Variants in NAV3 observed in about 807,000 individuals in gnomAD.
The protein encoded by NAV3 is pore membrane and/or filament interacting like protein 1.
Under a neutral mutation model 244.7 loss-of-function variants are expected in NAV3, and 87 were observed. The ratio of observed to expected loss-of-function variants is 0.36; its 90% CI spans 0.30 to 0.42. NAV3 has a LOEUF of 0.42. NAV3 is among the 20% of genes least tolerant of loss of function. The pLI is 1.00. For synonymous variants in NAV3, 1,126 were observed against 1,042.2 expected (o/e 1.08, Z -1.55); for missense variants, 2,663 against 2,893.3 (o/e 0.92, Z 1.83).
intron 3 of NAV3, among the ~76,000 whole-genome samples, chr12:77,961,648 T>A (rs1020876841): frequency 2.1e-5 from 3 of 141,182 alleles, no homozygotes; most frequent in Non-Finnish European, 4.5e-5. Flanking sequence ...TGCAATATAT[T>A]ATTACATTAT....
chr12:77,742,150 AGTT>A (rs1486978514), intron 2 of NAV3, among the ~76,000 whole-genome samples: 1 of 151,988 alleles, frequency 6.6e-6, no homozygotes, highest in East Asian at 1.9e-4. Flanking sequence ...CCTCTATACA[AGTT>A]GTCCTATTGC....
At chr12:77,587,263 T>A (rs1055476805) in intron 2 of NAV3, among the ~76,000 whole-genome samples, 3 of 152,190 alleles carry the variant, frequency 2.0e-5, no homozygotes, top group African/African-American at 7.2e-5. Flanking sequence ...GTTTCAACTT[T>A]TCAAATACAA....
chr12:78,135,615 CAA>C (rs74419262), intron 18 of NAV3, among the ~76,000 whole-genome samples: 4,477 of 152,200 alleles, frequency 0.029, 114 homozygotes, highest in East Asian at 0.12. Context: ...TTAATTTAAA[CAA>C]GAGTAAATTC....
chr12:77,911,598 C>T (rs1357257724), intron 1 of NAV3, among the ~76,000 whole-genome samples: 3 of 152,036 alleles, frequency 2.0e-5, no homozygotes, highest in Admixed American at 2.0e-4. Flanking sequence ...TCTGGCAATG[C>T]TTCTTTAATT....
chr12:77,641,902 A>G (rs542566047), intron 2 of NAV3, among the ~76,000 whole-genome samples: 4 of 152,270 alleles, frequency 2.6e-5, no homozygotes, highest in Non-Finnish European at 4.4e-5. Flanking sequence ...AGGCAAAAGC[A>G]TTCTCCCAAT....
intron 2 of NAV3, among the ~76,000 whole-genome samples, chr12:77,599,686 G>A (rs1463735294): frequency 2.6e-5 from 4 of 151,502 alleles, no homozygotes; most frequent in Non-Finnish European, 5.9e-5. Flanking sequence ...AGTTATCATA[G>A]GTTCCTTAAC....
chr12:77,817,178 G>A (rs1175766049), intron 2 of NAV3, among the ~76,000 whole-genome samples: 1 of 152,188 alleles, frequency 6.6e-6, no homozygotes, highest in Admixed American at 6.5e-5. Flanking sequence ...CTAGGGCTCA[G>A]ATGCTGAGGA....
At chr12:78,075,465 A>T (rs925324134) in intron 12 of NAV3, among the ~76,000 whole-genome samples, 1 of 152,196 alleles carries the variant, frequency 6.6e-6, no homozygotes, top group Non-Finnish European at 1.5e-5. Flanking sequence ...CATAGTTACT[A>T]TGAATTTGGA....
intron 12 of NAV3, among the ~76,000 whole-genome samples, chr12:78,114,993 G>A (rs300440): frequency 0.79 from 120,409 of 152,094 alleles, 48,148 homozygotes; most frequent in Non-Finnish European, 0.85. Context: ...ATTTCTGATA[G>A]TTACATTTTA....
At chr12:77,713,351 A>G (rs1167663294) in intron 2 of NAV3, among the ~76,000 whole-genome samples, 1 of 152,198 alleles carries the variant, frequency 6.6e-6, no homozygotes, top group African/African-American at 2.4e-5. Context: ...ATGCTATACA[A>G]CTGTACCTAC....
chr12:78,158,775 C>CA (rs1957408124), intron 22 of NAV3, among the ~76,000 whole-genome samples: 1 of 152,116 alleles, frequency 6.6e-6, no homozygotes, highest in Non-Finnish European at 1.5e-5. Context: ...ACAATATCTG[C>CA]AAAGGTCATC....
At chr12:77,953,633 A>G (rs575393316) in intron 3 of NAV3, among the ~76,000 whole-genome samples, 1 of 152,302 alleles carries the variant, frequency 6.6e-6, no homozygotes, top group Non-Finnish European at 1.5e-5. Flanking sequence ...CTATTTTGCA[A>G]CACAAACACA....
In NAV3 at chr12:77,737,899, A is replaced by C. The variant is rs543761847; in HGVS notation, c.72+165633A>C. On this transcript the variant is annotated intron_variant, in intron 2 of 8. Transcript: ENST00000550042. ...AAACATGCTTTTTTTGTGTTTCTTT[A>C]GTTTCCTTTTTGGTGACAAATTTAC... Among the ~76,000 whole-genome samples, 56 of 152,140 alleles carry C rather than the reference A, an allele frequency of 3.7e-4. No individual in the cohort carries two copies. In the South Asian group the frequency reaches 3.7e-3, roughly 10 times the overall value.
intron 5 of NAV3, among the ~76,000 whole-genome samples, chr12:77,982,218 A>ATAGAGTACTCTTATAGAGT (rs1593189401): frequency 3.0e-5 from 4 of 134,682 alleles, no homozygotes; most frequent in South Asian, 2.5e-4. Flanking sequence ...CATATGGCTT[A>ATAGAGTACTCTTATAGAGT]ATGAAAGATG....
rs376422023 is a variant in NAV3, at chr12:77,882,249, A to G, written c.243+50545A>G. Among the ~76,000 whole-genome samples the G allele has an allele frequency of 1.7e-3, 260 of 152,278 alleles. 1 individual carries two copies. The highest frequency in any genetic ancestry group is 0.015 in the South Asian group (71 of 4,828). On this transcript the variant is annotated intron_variant, in intron 1 of 39. Transcript: ENST00000397909. ...CAGTTGACAAATAGAGCAATGCAAC[A>G]TAATAGAAAACTCAGAAATAATACT...
At chr12:78,043,120 T>A (rs1881170136) in intron 9 of NAV3, among the ~76,000 whole-genome samples, 1 of 152,086 alleles carries the variant, frequency 6.6e-6, no homozygotes. Flanking sequence ...GTGTGTGATG[T>A]TCCCCTTCCT....
chr12:77,994,997 T>C, intron 6 of NAV3, 126 bp downstream of exon 6: 1 of 613,720 alleles, frequency 1.6e-6, no homozygotes. Flanking sequence ...ACTAAATTTT[T>C]CCAGGAAGAT....
chr12:78,061,483 A>G (rs555910455), intron 12 of NAV3, among the ~76,000 whole-genome samples: 4 of 152,272 alleles, frequency 2.6e-5, no homozygotes, highest in Admixed American at 2.0e-4. Context: ...AGTCATTTTT[A>G]AAAGAATAAT....
intron 1 of NAV3, among the ~76,000 whole-genome samples, chr12:77,933,382 G>A (rs1056139855): frequency 6.6e-6 from 1 of 152,072 alleles, no homozygotes; most frequent in Non-Finnish European, 1.5e-5. Context: ...AACAGCACTA[G>A]GTCAGAGATT....
Sources: gnomAD v4.1 joint callset for allele counts (sites outside exome capture counted in the v4.1 genomes callset) on GRCh38, gnomAD v4.1.1 for gene constraint, MANE v1.5 for transcripts, NCBI Gene and HGNC (gene_info 2026-07-23, HGNC 2026-07-21) for gene names.